The following ZNF469 variants were observed in gnomAD, a reference collection of about 807,000 sequenced individuals.
ZNF469 encodes the protein zinc finger protein 469.
A neutral mutation model predicts 1.0 loss-of-function variants in ZNF469; 1 was observed. The observed-to-expected ratio is 1.00, with a 90% CI of 0.35 to 4.73. The LOEUF (loss-of-function observed/expected upper bound fraction) is 4.73, where lower values mean the gene tolerates loss of function less well. Among genes scored for constraint, ZNF469 ranks in the 30% most tolerant of loss-of-function variants. ZNF469 has a pLI of 0.16. For synonymous variants in ZNF469, 2,703 were observed against 2,363.4 expected, an observed-to-expected ratio of 1.14 and a Z score of -4.17; for missense variants, 6,100 against 5,356.3, an observed-to-expected ratio of 1.14 and a Z score of -4.33.
chr16:88,165,107 G>A, the ZNF469 span, among the ~76,000 whole-genome samples: 3 of 152,238 alleles, frequency 2.0e-5, no homozygotes, highest in Non-Finnish European at 4.4e-5. Context: ...GCTTTCAGTT[G>A]TGCTCAAACC....
At chr16:88,225,819 C>T in the ZNF469 span, among the ~76,000 whole-genome samples, 1 of 152,238 alleles carries the variant, frequency 6.6e-6, no homozygotes, top group Non-Finnish European at 1.5e-5. Flanking sequence ...GGGCTTCCAG[C>T]TCCAGAGCTG....
rs1906378996 is a variant in ZNF469 at position 88,433,903 on chromosome 16, G to A, written c.6433G>A (p.Gly2145Arg). Residue 2145 changes from glycine (G) to arginine (R), a missense_variant, in exon 3 of 3, where the codon GGG becomes AGG. Coordinates refer to ENST00000565624, the MANE Select transcript of ZNF469 (RefSeq NM_001367624.2). The stretch of plus-strand genomic sequence containing the variant: ...TACCTCGCCTTCCAGGGCCCAAGGT[G>A]GGCTGGGGGGGCAGCTGCCAGCATC... ...PLTSPSRAQG[G>R]LGGQLPASPS... The A allele has an allele frequency of 1.3e-6, 2 of 1,549,202 alleles. No homozygotes were observed. The highest frequency in any genetic ancestry group is 1.7e-6 in the Non-Finnish European group (2 of 1,146,208).
the ZNF469 span, among the ~76,000 whole-genome samples, chr16:88,305,256 ATG>A: frequency 3.5e-5 from 5 of 144,450 alleles, no homozygotes; most frequent in East Asian, 2.1e-4. Flanking sequence ...GCACACACGC[ATG>A]CACACCCTCA....
the ZNF469 span, among the ~76,000 whole-genome samples, chr16:88,331,519 C>T: frequency 1.3e-5 from 2 of 151,400 alleles, no homozygotes; most frequent in East Asian, 2.0e-4. Flanking sequence ...CCATCATCCT[C>T]ATCACTACCA....
chr16:88,285,811 C>T, the ZNF469 span, among the ~76,000 whole-genome samples: 1 of 152,236 alleles, frequency 6.6e-6, no homozygotes, highest in Admixed American at 6.5e-5. Flanking sequence ...TCCCAGGCCA[C>T]CCTCGTCACA....
the ZNF469 span, among the ~76,000 whole-genome samples, chr16:88,343,032 C>A: frequency 1.3e-5 from 2 of 151,952 alleles, no homozygotes; most frequent in Non-Finnish European, 2.9e-5. Flanking sequence ...AAGCAGCGGG[C>A]AGATAGCACA....
chr16:88,302,361 C>G, the ZNF469 span: 1 of 152,214 alleles, frequency 6.6e-6, no homozygotes, highest in African/African-American at 2.4e-5. Context: ...AAATTCATTC[C>G]TTTTTTAAGA....
At chr16:88,149,652 C>T in the ZNF469 span, among the ~76,000 whole-genome samples, 2 of 152,166 alleles carry the variant, frequency 1.3e-5, no homozygotes, top group Admixed American at 1.3e-4. Flanking sequence ...CCCGCACCCC[C>T]AGCAGCTCCT....
rs762262311 is a variant in ZNF469 at position 88,429,357 on chromosome 16, C to G, written c.1887C>G (p.Leu629=). ...AGGAAAGCCAGCTCCCCGGCCCCCTCGGGCCCTCGGCCTTCTTCCACCCAC... is the reference window on the plus strand; with the variant it reads ...AGGAAAGCCAGCTCCCCGGCCCCCTGGGGCCCTCGGCCTTCTTCCACCCAC... ...SSEESQLPGP[L]GPSAFFHPPT... is the part of the protein sequence containing the mutation. The change falls in exon 3 of 3, where the codon CTC becomes CTG. Residue 629 remains leucine, a synonymous_variant. Coordinates refer to ENST00000565624, the MANE Select transcript of ZNF469 (RefSeq NM_001367624.2). The G allele has an allele frequency of 1.7e-5, 27 of 1,549,808 alleles. No homozygotes were observed. The highest frequency in any genetic ancestry group is 5.5e-5 in the African/African-American group (4 of 73,144).
At chr16:88,234,585 C>A in the ZNF469 span, among the ~76,000 whole-genome samples, 1 of 152,248 alleles carries the variant, frequency 6.6e-6, no homozygotes, top group East Asian at 1.9e-4. Flanking sequence ...GGATCATCCA[C>A]CAGGGGTGCC....
the ZNF469 span, among the ~76,000 whole-genome samples, chr16:88,130,785 C>G: frequency 6.6e-6 from 1 of 151,644 alleles, no homozygotes; most frequent in African/African-American, 2.4e-5. Flanking sequence ...TTCAGACACA[C>G]GAAGACAGCA....
At chr16:88,111,981 G>C in the ZNF469 span, among the ~76,000 whole-genome samples, 3 of 152,088 alleles carry the variant, frequency 2.0e-5, no homozygotes, top group African/African-American at 7.2e-5. Flanking sequence ...TTCACTTAAT[G>C]ACCTCCAGTT....
Position 88,431,503 on chromosome 16 carries a change from C to T in ZNF469, c.4033C>T (p.Leu1345=). ...SSTACPKPSV[L]SSKISSFGCD... ...TACCGCCTGCCCCAAACCCAGTGTT[C>T]TGTCTTCAAAGATCTCCAGTTTTGG... The change falls in exon 3 of 3, where the codon CTG becomes TTG. Residue 1345 remains leucine, a synonymous_variant. Coordinates refer to ENST00000565624, the MANE Select transcript of ZNF469 (RefSeq NM_001367624.2). 6.4e-7 allele frequency: 1 copy of T among 1,550,434 alleles called. No individual in the cohort carries two copies. Among genetic ancestry groups the T allele is most frequent in the South Asian group, 1.2e-5 (1 of 84,062 alleles).
chr16:88,196,968 C>G, the ZNF469 span, among the ~76,000 whole-genome samples: 2,001 of 152,318 alleles, frequency 0.013, 41 homozygotes, highest in African/African-American at 0.045. Flanking sequence ...AAGCAGCCAC[C>G]TCTCACCTGG....
the ZNF469 span, among the ~76,000 whole-genome samples, chr16:88,297,820 C>T: frequency 2.6e-5 from 4 of 152,182 alleles, no homozygotes; most frequent in Admixed American, 1.3e-4. Context: ...AACAAGGACA[C>T]GTTTGCAGGG....
the ZNF469 span, among the ~76,000 whole-genome samples, chr16:88,208,491 A>AAG: frequency 1.0e-5 from 1 of 98,674 alleles, no homozygotes; most frequent in Non-Finnish European, 2.0e-5. Flanking sequence ...GGAGGGAGGG[A>AAG]GAGAAAGGGA....
chr16:88,430,620 C>A lies in ZNF469; in HGVS notation c.3150C>A (p.Leu1050=). ...GGGGCGGCGCCTGGGGCAAGGAGCTCATTCTGAAGATCGTGCAGCAGAAGA... is the reference window on the plus strand; with the variant it reads ...GGGGCGGCGCCTGGGGCAAGGAGCTAATTCTGAAGATCGTGCAGCAGAAGA... ...KARGGAWGKE[L]ILKIVQQKNR... The change falls in exon 3 of 3, where the codon CTC becomes CTA. Residue 1050 remains leucine, a synonymous_variant. Coordinates refer to ENST00000565624, the MANE Select transcript of ZNF469 (RefSeq NM_001367624.2). 6.7e-7 allele frequency: 1 copy of A among 1,502,276 alleles called. No individual in the cohort carries two copies. Among genetic ancestry groups the A allele is most frequent in the Non-Finnish European group, 8.8e-7 (1 of 1,131,180 alleles). 93.1% of individuals were successfully genotyped at this position (1,502,276 alleles called of 1,614,324 possible). A position where few individuals can be genotyped will look rare whatever the true frequency, so the allele number is the denominator to read the frequency against.
the ZNF469 span, among the ~76,000 whole-genome samples, chr16:88,139,157 G>A: frequency 7.0e-6 from 1 of 143,196 alleles, no homozygotes; most frequent in African/African-American, 2.4e-5. Flanking sequence ...GAGCGTCAGA[G>A]CAGAGACTGC....
the ZNF469 span, among the ~76,000 whole-genome samples, chr16:88,210,869 C>G: frequency 1.3e-5 from 2 of 152,234 alleles, no homozygotes; most frequent in Non-Finnish European, 2.9e-5. Context: ...TCCTCCACCC[C>G]CCACCAGCCC....
Sources: allele counts gnomAD v4.1 joint callset (sites outside exome capture counted in the v4.1 genomes callset), GRCh38; gene constraint gnomAD v4.1.1; transcripts MANE v1.5; gene names NCBI Gene and HGNC (gene_info 2026-07-23, HGNC 2026-07-21).